BBS9: variants seen among roughly 807,000 people sequenced by gnomAD.
BBS9 encodes Bardet-Biedl syndrome 9.
Under a neutral mutation model 117.7 loss-of-function variants are expected in BBS9, and 89 were observed. The ratio of observed to expected loss-of-function variants is 0.76; its 90% CI spans 0.64 to 0.90. The LOEUF is 0.90. BBS9 is among the 40% of genes least tolerant of loss of function. BBS9 has a pLI of 0.00. For synonymous variants in BBS9, 379 were observed against 370.9 expected (o/e 1.02, Z -0.25); for missense variants, 982 against 1,042.2 (o/e 0.94, Z 0.80).
chr7:33,150,870 G>T (rs1793203319), intron 2 of BBS9, among the ~76,000 whole-genome samples: 1 of 152,210 alleles, frequency 6.6e-6, no homozygotes, highest in African/African-American at 2.4e-5. Flanking sequence ...ATCAACTAGA[G>T]ATCTTAGAGG....
chr7:33,323,673 C>CT (rs780777215), intron 9 of BBS9, among the ~76,000 whole-genome samples: 1 of 151,406 alleles, frequency 6.6e-6, no homozygotes, highest in Non-Finnish European at 1.5e-5. Context: ...ATCATTGGGT[C>CT]TTTTTTTAAA....
intron 21 of BBS9, among the ~76,000 whole-genome samples, chr7:33,601,871 A>T (rs1863844599): frequency 6.6e-6 from 1 of 152,104 alleles, no homozygotes; most frequent in Non-Finnish European, 1.5e-5. Context: ...GTAAAAGCAT[A>T]AGTAATTGCA....
intron 4 of BBS9, among the ~76,000 whole-genome samples, chr7:33,157,350 A>G (rs1445451802): frequency 6.6e-6 from 1 of 152,220 alleles, no homozygotes; most frequent in Admixed American, 6.5e-5. Flanking sequence ...GTTATTTGCT[A>G]TGGGAATGGT....
intron 21 of BBS9, among the ~76,000 whole-genome samples, chr7:33,623,986 A>C (rs934083491): frequency 1.5e-5 from 1 of 67,970 alleles, no homozygotes; most frequent in African/African-American, 3.9e-5. Context: ...TTCTATTATT[A>C]AAAAAAAAAA....
At chr7:33,238,700 AC>A (rs1427657957) in intron 5 of BBS9, among the ~76,000 whole-genome samples, 1 of 152,176 alleles carries the variant, frequency 6.6e-6, no homozygotes. Context: ...GAGAGCTTTA[AC>A]CAAATGAGTA....
intron 16 of BBS9, among the ~76,000 whole-genome samples, chr7:33,362,146 C>T (rs982368990): frequency 6.6e-6 from 1 of 152,032 alleles, no homozygotes; most frequent in South Asian, 2.1e-4. Flanking sequence ...AGTATATGTT[C>T]TTTTTCATTT....
chr7:33,448,708 C>G (rs1837342827), intron 19 of BBS9, among the ~76,000 whole-genome samples: 1 of 152,182 alleles, frequency 6.6e-6, no homozygotes, highest in Admixed American at 6.5e-5. Context: ...GAATCTGAGA[C>G]AGTTTATTCA....
chr7:33,597,546 G>T (rs1197144158), intron 21 of BBS9, among the ~76,000 whole-genome samples: 1 of 152,106 alleles, frequency 6.6e-6, no homozygotes, highest in Non-Finnish European at 1.5e-5. Context: ...ACTATTGCAA[G>T]AAAATAAACC....
intron 17 of BBS9, among the ~76,000 whole-genome samples, chr7:33,368,103 T>C (rs1822140678): frequency 6.6e-6 from 1 of 152,172 alleles, no homozygotes; most frequent in Non-Finnish European, 1.5e-5. Context: ...AAAAATCAGA[T>C]ATGTAACTGA....
At chr7:33,586,398 G>T (rs1860896944) in intron 21 of BBS9, among the ~76,000 whole-genome samples, 1 of 151,662 alleles carries the variant, frequency 6.6e-6, no homozygotes, top group Non-Finnish European at 1.5e-5. Flanking sequence ...ATAAATAACA[G>T]ATCTGGGTGA....
intron 9 of BBS9, among the ~76,000 whole-genome samples, chr7:33,318,858 C>T (rs1811088408): frequency 1.3e-5 from 2 of 152,104 alleles, no homozygotes; most frequent in Non-Finnish European, 2.9e-5. Flanking sequence ...TCCTGAGTTA[C>T]TTCACTTAGA....
intron 5 of BBS9, among the ~76,000 whole-genome samples, chr7:33,202,037 G>A (rs1054790459): frequency 5.9e-5 from 9 of 152,186 alleles, no homozygotes; most frequent in Non-Finnish European, 8.8e-5. Context: ...CCCAGTGAAT[G>A]TTCAGACAGT....
Position 33,240,738 on chromosome 7 carries a change from A to G in BBS9, c.443-16498A>G, listed in dbSNP as rs370248359. On this transcript the variant is annotated intron_variant, in intron 5 of 22. Transcript: ENST00000242067. ...GTGATACAATTTTTCCCATCCAGGA[A>G]CACAGTATATCTTATTTATTTAGAT... is the stretch of plus-strand genomic sequence containing the variant. 1.4e-4 allele frequency among the ~76,000 whole-genome samples: 21 copies of G among 152,358 alleles called. No individual in the cohort carries two copies. The South Asian group carries it at 3.7e-3, about 27-fold the overall frequency.
At chr7:33,431,733 A>T in intron 19 of BBS9, among the ~76,000 whole-genome samples, 1 of 152,180 alleles carries the variant, frequency 6.6e-6, no homozygotes, top group East Asian at 1.9e-4. Flanking sequence ...TTTATGTGAT[A>T]TTTTGTTTTT....
chr7:33,581,640 G>A (rs559681131), intron 21 of BBS9, among the ~76,000 whole-genome samples: 6 of 152,232 alleles, frequency 3.9e-5, no homozygotes, highest in African/African-American at 1.4e-4. Context: ...TGCCAAGAGG[G>A]TTGGTTATTC....
At chr7:33,335,425 A>C (rs559066787) in intron 9 of BBS9, among the ~76,000 whole-genome samples, 11 of 152,268 alleles carry the variant, frequency 7.2e-5, no homozygotes, top group African/African-American at 2.4e-4. Context: ...AAAAAAATCA[A>C]AAGTTTCTGT....
chr7:33,248,041 G>T (rs1382959995), intron 5 of BBS9, among the ~76,000 whole-genome samples: 1 of 152,142 alleles, frequency 6.6e-6, no homozygotes, highest in Non-Finnish European at 1.5e-5. Flanking sequence ...ATTAAAATTT[G>T]CTATTAAAAT....
intron 4 of BBS9, among the ~76,000 whole-genome samples, chr7:33,169,368 T>A (rs1189608122): frequency 1.3e-5 from 2 of 151,484 alleles, no homozygotes; most frequent in Admixed American, 6.6e-5. Context: ...TAGTTCTAGA[T>A]CCCTGAGGAA....
intron 19 of BBS9, 108 bp downstream of exon 19, chr7:33,388,252 T>TA: frequency 7.4e-7 from 1 of 1,355,748 alleles, no homozygotes; most frequent in Admixed American, 1.7e-5. Flanking sequence ...TCCAGTGCTT[T>TA]AAGGAACAGT....
Sources: allele counts gnomAD v4.1 joint callset (sites outside exome capture counted in the v4.1 genomes callset), GRCh38; gene constraint gnomAD v4.1.1; transcripts MANE v1.5; gene names NCBI Gene and HGNC (gene_info 2026-07-23, HGNC 2026-07-21).